The following ZW10 variants were observed in gnomAD, a reference collection of about 807,000 sequenced individuals.
The protein encoded by ZW10 is zw10 kinetochore protein, also known as centromere/kinetochore protein zw10 homolog.
ZW10 carries 53 observed loss-of-function variants against 87.8 expected under a neutral mutation model. The observed-to-expected ratio is 0.60, with a 90% CI of 0.48 to 0.76. The LOEUF is 0.76. Among genes scored for constraint, ZW10 ranks in the 30% least tolerant of loss-of-function variants. The pLI is 0.00. For synonymous variants in ZW10, 312 were observed against 329.2 expected (o/e 0.95, Z 0.57); for missense variants, 837 against 923.0 (o/e 0.91, Z 1.21).
chr11:113,754,207 G>A (rs532677257), intron 7 of ZW10, among the ~76,000 whole-genome samples: 19 of 152,214 alleles, frequency 1.2e-4, no homozygotes, highest in South Asian at 4.2e-4. Context: ...GCACCAGGCC[G>A]GGTGCGATGG....
chr11:113,765,375 C>T (rs988738828), intron 2 of ZW10, among the ~76,000 whole-genome samples: 3 of 152,202 alleles, frequency 2.0e-5, no homozygotes, highest in Non-Finnish European at 4.4e-5. Context: ...TAGCCTCCTT[C>T]ACAGTTGGGT....
At chr11:113,768,597 C>T (rs964608904) in intron 2 of ZW10, among the ~76,000 whole-genome samples, 1 of 152,170 alleles carries the variant, frequency 6.6e-6, no homozygotes, top group Non-Finnish European at 1.5e-5. Flanking sequence ...GGATTACAGG[C>T]ATGATGCACC....
At position 113,769,079 on chromosome 11, in the gene ZW10, T is replaced by C. The variant is rs187170172; in HGVS notation, c.106-112A>G. ...TTCCATGTTAGAACCTTCTTGCCAA[T>C]TGCCTATACCCATTCACTTTCCCTC... is the stretch of plus-strand genomic sequence containing the variant. On this transcript the variant is annotated intron_variant, in intron 1 of 15. Transcript: ENST00000200135. 2.6e-4 allele frequency: 290 copies of C among 1,110,578 alleles called. 5 individuals carry two copies. The East Asian group carries it at 6.9e-3, about 26-fold the overall frequency. The allele number at this position is 1,110,578 out of a possible 1,614,324, so 68.8% of individuals were successfully genotyped here.
intron 11 of ZW10, 70 bp from the exon 12 acceptor site, chr11:113,739,452 C>T (rs1953590464): frequency 1.5e-6 from 2 of 1,364,158 alleles, no homozygotes; most frequent in African/African-American, 2.9e-5. Context: ...ATGAAAGTCA[C>T]AACTTCTCTA....
chr11:113,754,915 A>G (rs147287097), intron 7 of ZW10, among the ~76,000 whole-genome samples: 101 of 152,256 alleles, frequency 6.6e-4, no homozygotes, highest in African/African-American at 2.4e-3. Context: ...CTCTTGGATT[A>G]CAGGTGTGAG....
rs984670018 is a variant in ZW10 at position 113,739,204 on chromosome 11, A to G, written c.1753+9T>C. Reference sequence around the variant, plus strand: ...CCATATGCTTTCCTACATTGAAAGTATCAGTTACCAAGTCTCCTGAAGCCA... The same window carrying G: ...CCATATGCTTTCCTACATTGAAAGTGTCAGTTACCAAGTCTCCTGAAGCCA... On this transcript the variant is annotated intron_variant, in intron 12 of 15. Coordinates refer to ENST00000200135, the MANE Select transcript of ZW10 (RefSeq NM_004724.4). The G allele has an allele frequency of 1.2e-6, 2 of 1,613,354 alleles. No individual in the cohort carries two copies. The highest frequency in any genetic ancestry group is 2.7e-5 in the African/African-American group (2 of 74,882).
intron 7 of ZW10, among the ~76,000 whole-genome samples, chr11:113,755,321 T>C (rs74839092): frequency 2.0e-5 from 3 of 152,150 alleles, no homozygotes; most frequent in East Asian, 3.9e-4. Context: ...TTGGAAGAAG[T>C]TGATTCCAAC....
At chr11:113,763,706 G>A (rs944614141) in intron 2 of ZW10, among the ~76,000 whole-genome samples, 5 of 151,994 alleles carry the variant, frequency 3.3e-5, no homozygotes, top group African/African-American at 1.2e-4. Flanking sequence ...TTTTTGATGG[G>A]GTTGCTTTTT....
intron 2 of ZW10, among the ~76,000 whole-genome samples, chr11:113,761,881 A>G (rs898710912): frequency 1.4e-4 from 21 of 152,174 alleles, no homozygotes; most frequent in African/African-American, 4.8e-4. Context: ...AGCTTCCTGA[A>G]ATAGTGATCT....
At chr11:113,762,641 C>T (rs1477442419) in intron 2 of ZW10, among the ~76,000 whole-genome samples, 1 of 152,012 alleles carries the variant, frequency 6.6e-6, no homozygotes, top group African/African-American at 2.4e-5. Context: ...CCTCAGCCAC[C>T]CAGGTAGCTG....
chr11:113,744,303 C>G (rs1352602073), intron 9 of ZW10, among the ~76,000 whole-genome samples: 1 of 151,882 alleles, frequency 6.6e-6, no homozygotes, highest in African/African-American at 2.4e-5. Context: ...AGGAGAATGG[C>G]GCAAACCCGG....
chr11:113,768,902 C>T lies in ZW10; in HGVS notation c.171G>A (p.Gln57=), dbSNP rs964597663. 3 of 1,614,158 alleles carry T rather than the reference C, an allele frequency of 1.9e-6. No homozygotes were observed. The highest frequency in any genetic ancestry group is 2.5e-6 in the Non-Finnish European group (3 of 1,179,998). Residue 57 remains glutamine (Q), a synonymous_variant, in exon 2 of 16, where the codon CAG becomes CAA. Transcript: ENST00000200135. ...SEFLPSMQSA[Q]GLITQVDKLS... is the part of the protein sequence containing the mutation. ...GCTTATCCACCTGGGTAATCAGGCC[C>T]TGCGCGCTCTGCATGCTAGGCAGGA...
At chr11:113,742,155 C>A (rs929666746) in intron 10 of ZW10, among the ~76,000 whole-genome samples, 1 of 152,246 alleles carries the variant, frequency 6.6e-6, no homozygotes, top group Non-Finnish European at 1.5e-5. Flanking sequence ...TAAAAGCACT[C>A]GCTTGGTTCT....
chr11:113,734,548 T>C (rs1047188896), intron 15 of ZW10, among the ~76,000 whole-genome samples: 1 of 152,154 alleles, frequency 6.6e-6, no homozygotes, highest in African/African-American at 2.4e-5. Context: ...CTCACACCTG[T>C]AATCCCAACA....
At chr11:113,757,239 T>C (rs983765724) in intron 7 of ZW10, among the ~76,000 whole-genome samples, 2 of 152,126 alleles carry the variant, frequency 1.3e-5, no homozygotes, top group African/African-American at 4.8e-5. Context: ...CAGGCTGAAA[T>C]AGAATTTATT....
chr11:113,737,542 A>G (rs2134865341), intron 14 of ZW10, 30 bp downstream of exon 14: 1 of 1,508,864 alleles, frequency 6.6e-7, no homozygotes, highest in Non-Finnish European at 9.0e-7. Flanking sequence ...ATTGCATCTC[A>G]AGGCTAGTGT....
Position 113,773,546 on chromosome 11 carries a change from G to C in ZW10, c.105+16C>G, listed in dbSNP as rs779266432. ...GGAGTCCCCTTCCAGTCAGCAGACA[G>C]CTGCCCCGCTCTCACCTTGATCTCC... On this transcript the variant is annotated intron_variant, in intron 1 of 15. Coordinates refer to ENST00000200135, the MANE Select transcript of ZW10 (RefSeq NM_004724.4). 1.9e-6 allele frequency: 3 copies of C among 1,607,884 alleles called. No individual in the cohort carries two copies. The highest frequency in any genetic ancestry group is 1.7e-6 in the Non-Finnish European group (2 of 1,177,054).
At chr11:113,756,035 A>C (rs1420130790) in intron 7 of ZW10, among the ~76,000 whole-genome samples, 1 of 152,192 alleles carries the variant, frequency 6.6e-6, no homozygotes, top group African/African-American at 2.4e-5. Flanking sequence ...TGGGATACTT[A>C]CTTTATTGCA....
At chr11:113,773,083 A>G (rs1937657610) in intron 1 of ZW10, among the ~76,000 whole-genome samples, 1 of 151,498 alleles carries the variant, frequency 6.6e-6, no homozygotes, top group African/African-American at 2.4e-5. Flanking sequence ...TATTTTATTC[A>G]TCAACAAATC....
Sources: allele counts gnomAD v4.1 joint callset (sites outside exome capture counted in the v4.1 genomes callset), GRCh38; gene constraint gnomAD v4.1.1; transcripts MANE v1.5; gene names NCBI Gene and HGNC (gene_info 2026-07-23, HGNC 2026-07-21).